The following DLGAP4 variants were observed in gnomAD, a reference collection of about 807,000 sequenced individuals.
The protein encoded by DLGAP4 is disks large-associated protein 4.
DLGAP4 carries 18 observed loss-of-function variants against 86.9 expected under a neutral mutation model. The observed-to-expected ratio is 0.21, with a 90% CI of 0.14 to 0.31. The LOEUF (loss-of-function observed/expected upper bound fraction) is 0.31. DLGAP4 is among the 10% of genes least tolerant of loss of function. The pLI, the probability that DLGAP4 is intolerant of heterozygous loss-of-function variation, is 1.00. For synonymous variants in DLGAP4, 548 were observed against 574.3 expected (o/e 0.95, Z 0.65); for missense variants, 1,085 against 1,362.6 (o/e 0.80, Z 3.21).
rs779529145 is a variant in DLGAP4 at position 36,439,803 on chromosome 20, C to G, written c.1291C>G (p.Pro431Ala). The G allele has an allele frequency of 5.3e-5, 86 of 1,613,782 alleles. No individual in the cohort carries two copies. In the South Asian group the frequency reaches 8.8e-4, roughly 16 times the overall value. ...SVDMLLPSKCPSWEEDYTPVS... is the reference protein window; with the variant it reads ...SVDMLLPSKCASWEEDYTPVS... ...GGACATGCTGCTGCCCTCCAAGTGTCCGAGCTGGGAAGAGGACTACACCCC... is the reference window on the plus strand; with the variant it reads ...GGACATGCTGCTGCCCTCCAAGTGTGCGAGCTGGGAAGAGGACTACACCCC... Residue 431 changes from proline (P) to alanine (A), a missense_variant, in exon 5 of 13, where the codon CCG becomes GCG. Pro to Ala is a conservative substitution (Grantham distance 27). This residue lies in a region of DLGAP4 where 1,082 missense variants were observed against 1,344.1 expected (regional missense o/e 0.81). Transcript: ENST00000339266.
chr20:36,331,677 A>T (rs1404432284), intron 1 of DLGAP4, among the ~76,000 whole-genome samples: 1 of 152,210 alleles, frequency 6.6e-6, no homozygotes, highest in Non-Finnish European at 1.5e-5. Flanking sequence ...ACAGATGTTT[A>T]TGGAGCACCT....
intron 2 of DLGAP4, among the ~76,000 whole-genome samples, chr20:36,430,878 C>T: frequency 6.6e-6 from 1 of 151,512 alleles, no homozygotes; most frequent in Admixed American, 6.6e-5. Flanking sequence ...TCACTTGAAC[C>T]CGGGAGACGG....
intron 1 of DLGAP4, among the ~76,000 whole-genome samples, chr20:36,360,306 C>T (rs1277127308): frequency 6.6e-6 from 1 of 152,200 alleles, no homozygotes; most frequent in Non-Finnish European, 1.5e-5. Flanking sequence ...AGTCCAGCCC[C>T]TGACCCGGTC....
chr20:36,353,889 A>T (rs1397016753), intron 1 of DLGAP4, among the ~76,000 whole-genome samples: 1 of 152,230 alleles, frequency 6.6e-6, no homozygotes, highest in Non-Finnish European at 1.5e-5. Context: ...CTGTGCCATC[A>T]TCATGTCCAT....
chr20:36,374,903 AG>A (rs1004150677), intron 2 of DLGAP4, among the ~76,000 whole-genome samples: 5 of 152,248 alleles, frequency 3.3e-5, no homozygotes, highest in African/African-American at 7.2e-5. Context: ...TTTCCAGGTC[AG>A]GGGGGTCCAA....
intron 10 of DLGAP4, among the ~76,000 whole-genome samples, chr20:36,503,883 T>G (rs565286520): frequency 6.6e-6 from 1 of 152,336 alleles, no homozygotes; most frequent in East Asian, 1.9e-4. Context: ...TCATTCCGTT[T>G]TGTTGCTGAA....
At chr20:36,343,862 G>A (rs782438538) in intron 1 of DLGAP4, among the ~76,000 whole-genome samples, 1 of 152,352 alleles carries the variant, frequency 6.6e-6, no homozygotes, top group East Asian at 1.9e-4. Flanking sequence ...AGTGGCTGCT[G>A]GCCCGTGGCT....
chr20:36,517,465 A>G (rs576556209), intron 10 of DLGAP4, among the ~76,000 whole-genome samples: 70 of 152,150 alleles, frequency 4.6e-4, no homozygotes, highest in South Asian at 8.3e-4. Flanking sequence ...TGAGGTTTCA[A>G]CGTGTTGGCC....
chr20:36,446,260 C>A (rs189045516), intron 6 of DLGAP4, among the ~76,000 whole-genome samples: 34 of 152,296 alleles, frequency 2.2e-4, no homozygotes, highest in Admixed American at 2.1e-3. Flanking sequence ...CCCTCACTGA[C>A]CCTTGGTTTC....
At position 36,393,340 on chromosome 20, in the gene DLGAP4, C is replaced by A. The variant is rs985972160; in HGVS notation, c.-73+26065C>A. Among the ~76,000 whole-genome samples the A allele has an allele frequency of 6.6e-6, 1 of 152,134 alleles. No individual in the cohort carries two copies. The highest frequency in any genetic ancestry group is 2.4e-5 in the African/African-American group (1 of 41,408). On this transcript the variant is annotated intron_variant, in intron 2 of 12. Transcript: ENST00000339266. This position sits in a 1 kb window ranked among gnomAD's most constrained non-coding sequence, Gnocchi z 4.4. ...GGGTGAGAACCCCAAGCTCTACACTCCCTCGCTGTGTGGCCTAGGGTCTCC... is the reference window on the plus strand; with the variant it reads ...GGGTGAGAACCCCAAGCTCTACACTACCTCGCTGTGTGGCCTAGGGTCTCC...
In DLGAP4 at chr20:36,432,552, A is replaced by G; in HGVS notation, c.835A>G (p.Ser279Gly). 6.5e-7 allele frequency: 1 copy of G among 1,529,744 alleles called. No individual in the cohort carries two copies. The highest frequency in any genetic ancestry group is 8.8e-7 in the Non-Finnish European group (1 of 1,132,622). 94.8% of individuals were successfully genotyped at this position (1,529,744 alleles called of 1,614,324 possible). A position where few individuals can be genotyped will look rare whatever the true frequency, so the allele number is the denominator to read the frequency against. ...GCCCGCACCCCCAGCCACCTGCCCC[A>G]GCCTTGGGGTGGGCACTGACACCAA... is the stretch of plus-strand genomic sequence containing the variant. ...PPPAPPATCP[S>G]LGVGTDTNYV... The change falls in exon 3 of 13, where the codon AGC becomes GGC. Residue 279 changes from serine (S) to glycine (G), a missense_variant. Ser to Gly is a moderately conservative substitution (Grantham distance 56). Coordinates refer to ENST00000339266, the MANE Select transcript of DLGAP4 (RefSeq NM_001365621.2). The surrounding 1 kb of genome is among the most constrained non-coding windows in gnomAD (Gnocchi z 6.5).
Position 36,527,338 on chromosome 20 carries a change from A to G in DLGAP4, c.*307A>G. On this transcript the variant is annotated 3_prime_UTR_variant, in exon 13 of 13. Coordinates refer to ENST00000339266, the MANE Select transcript of DLGAP4 (RefSeq NM_001365621.2). ...CGGCAACTCCCGGCCCAGCCTCCAT[A>G]CTGCGGTCTTTTTACTCGTTCTATC... 1 of 245,276 alleles carries G rather than the reference A, an allele frequency of 4.1e-6. No individual in the cohort carries two copies. The highest frequency in any genetic ancestry group is 7.9e-6 in the Non-Finnish European group (1 of 125,932). 15.2% of individuals were successfully genotyped at this position (245,276 alleles called of 1,614,324 possible).
In DLGAP4 at chr20:36,321,449, G is replaced by A. The variant is rs559400036; in HGVS notation, c.-304+14937G>A. 3.9e-5 allele frequency among the ~76,000 whole-genome samples: 6 copies of A among 152,370 alleles called. No homozygotes were observed. The East Asian group carries it at 1.2e-3, about 29-fold the overall frequency. On this transcript the variant is annotated intron_variant, in intron 1 of 12. Transcript: ENST00000339266. Reference sequence around the variant, plus strand: ...GGCCAGGTCTGATGTGAGCATAGCTGGGGCAGCTGGTCATTGGTTCCACAG... The same window carrying A: ...GGCCAGGTCTGATGTGAGCATAGCTAGGGCAGCTGGTCATTGGTTCCACAG...
intron 7 of DLGAP4, among the ~76,000 whole-genome samples, chr20:36,494,508 C>T (rs1331603728): frequency 2.0e-5 from 3 of 152,220 alleles, no homozygotes; most frequent in Non-Finnish European, 4.4e-5. Flanking sequence ...TACTCGATTT[C>T]CCTCAATAGT....
Position 36,500,729 on chromosome 20 carries a change from C to A in DLGAP4, c.2512+118C>A. 1 of 993,702 alleles carries A rather than the reference C, an allele frequency of 1.0e-6. No homozygotes were observed. The highest frequency in any genetic ancestry group is 1.4e-6 in the Non-Finnish European group (1 of 738,344). The allele number at this position is 993,702 out of a possible 1,614,324, so 61.6% of individuals were successfully genotyped here. A position where few individuals can be genotyped will look rare whatever the true frequency, so the allele number is the denominator to read the frequency against. ...GGGTCTCTTAGGTTCTCTTCTTGGG[C>A]TAGTTTTTGAGCTCCCTTCTTACTT... is the stretch of plus-strand genomic sequence containing the variant. On this transcript the variant is annotated intron_variant, in intron 10 of 12. Coordinates refer to ENST00000339266, the MANE Select transcript of DLGAP4 (RefSeq NM_001365621.2). The surrounding 1 kb of genome is among the most constrained non-coding windows in gnomAD (Gnocchi z 4.6).
intron 1 of DLGAP4, among the ~76,000 whole-genome samples, chr20:36,339,837 T>A (rs546775833): frequency 6.6e-6 from 1 of 152,108 alleles, no homozygotes; most frequent in East Asian, 1.9e-4. Context: ...CATTTGCTCA[T>A]GGAGGGGACG....
intron 7 of DLGAP4, chr20:36,461,774 CTT>C (rs1355718590): frequency 6.2e-6 from 6 of 971,064 alleles, no homozygotes; most frequent in Non-Finnish European, 7.3e-6. Flanking sequence ...CCCGCCCGCG[CTT>C]CCGTCCTGTC....
chr20:36,429,398 CTTTTTTTTT>C (rs151254062), intron 2 of DLGAP4, among the ~76,000 whole-genome samples: 1 of 76,034 alleles, frequency 1.3e-5, no homozygotes, highest in Non-Finnish European at 2.4e-5. Context: ...TTCTTTTTTT[CTTTTTTTTT>C]TTTTTTTTTT....
At chr20:36,468,795 G>A (rs965165588) in intron 7 of DLGAP4, among the ~76,000 whole-genome samples, 2 of 152,256 alleles carry the variant, frequency 1.3e-5, no homozygotes, top group East Asian at 3.8e-4. Flanking sequence ...TGGAACAGAG[G>A]TGGCCTGAGA....
Sources: gnomAD v4.1 joint callset for allele counts (sites outside exome capture counted in the v4.1 genomes callset) on GRCh38, gnomAD v4.1.1 for gene constraint, gnomAD v4.1.1 regional missense constraint, Gnocchi (gnomAD v3.1) non-coding constraint, MANE v1.5 for transcripts, NCBI Gene and HGNC (gene_info 2026-07-23, HGNC 2026-07-21) for gene names.